The following SKOR2 variants were observed in gnomAD, a reference collection of about 807,000 sequenced individuals.
The protein encoded by SKOR2 is LBX1 corepressor 1-like protein.
SKOR2 carries 47 observed loss-of-function variants against 69.1 expected under a neutral mutation model. The ratio of observed to expected loss-of-function variants is 0.68; its 90% CI spans 0.54 to 0.87. SKOR2 has a LOEUF of 0.87. Ranked by LOEUF, SKOR2 falls within the 40% of genes least tolerant of loss-of-function variation. The pLI is 0.00. For missense variants in SKOR2, 1,404 were observed against 1,472.2 expected (o/e 0.95, Z 0.76); for synonymous variants, 717 against 672.6 (o/e 1.07, Z -1.02).
chr18:47,248,627 A>G lies in SKOR2; in HGVS notation c.557T>C (p.Phe186Ser). The G allele has an allele frequency of 6.4e-7, 1 of 1,554,404 alleles. No homozygotes were observed. Residue 186 changes from phenylalanine (F) to serine (S), a missense_variant, in exon 2 of 9, where the codon TTC (phenylalanine) becomes TCC (serine). Coordinates refer to ENST00000425639, the MANE Select transcript of SKOR2 (RefSeq NM_001278063.4). This position sits in a 1 kb window ranked among gnomAD's most constrained non-coding sequence, Gnocchi z 6.4. ...YCNMYFSPNK[F>S]IFHSHRTPDA... ...GGGCGTGCGGTGGGAGTGGAAAATG[A>G]ACTTGTTGGGCGAGAAGTACATGTT...
chr18:47,238,310 C>CT (rs2064233910), intron 4 of SKOR2, among the ~76,000 whole-genome samples: 2 of 133,764 alleles, frequency 1.5e-5, no homozygotes, highest in African/African-American at 2.8e-5. Context: ...TAATTTTTTT[C>CT]TTTTCTTTTC....
Position 47,230,518 on chromosome 18 carries a change from C to T in SKOR2, c.2858G>A (p.Arg953Gln), listed in dbSNP as rs568632407. The T allele has an allele frequency of 2.4e-5, 34 of 1,440,324 alleles. No individual in the cohort carries two copies. Among genetic ancestry groups the T allele is most frequent in the East Asian group, 7.9e-5 (3 of 38,066 alleles). 89.2% of individuals were successfully genotyped at this position (1,440,324 alleles called of 1,614,324 possible). A position where few individuals can be genotyped will look rare whatever the true frequency, so the allele number is the denominator to read the frequency against. ...QKVLFEQIDL[R>Q]RRLEQEFQVL... ...CTGGAATTCTTGTTCCAGTCGTCTC[C>T]GTAAATCTATTTGTTCAAATAAAAC... Residue 953 changes from arginine to glutamine, a missense_variant, in exon 6 of 9, where the codon CGG becomes CAG. Arg to Gln is a conservative substitution (Grantham distance 43). Coordinates refer to ENST00000425639, the MANE Select transcript of SKOR2 (RefSeq NM_001278063.4).
intron 2 of SKOR2, among the ~76,000 whole-genome samples, chr18:47,246,106 T>C (rs529073785): frequency 6.6e-6 from 1 of 152,318 alleles, no homozygotes; most frequent in Admixed American, 6.5e-5. Flanking sequence ...AAACTGCATT[T>C]AACTTTTGAA....
Position 47,247,591 on chromosome 18 carries a change from C to A in SKOR2, c.1593G>T (p.Gln531His). 7.9e-7 allele frequency: 1 copy of A among 1,262,944 alleles called. No homozygotes were observed. The highest frequency in any genetic ancestry group is 9.9e-7 in the Non-Finnish European group (1 of 1,006,780). 78.2% of individuals were successfully genotyped at this position (1,262,944 alleles called of 1,614,324 possible). The change falls in exon 2 of 9, where the codon CAG (glutamine) becomes CAT (histidine). Residue 531 changes from glutamine (Q) to histidine (H), a missense_variant. Gln to His is a conservative substitution (Grantham distance 24). Transcript: ENST00000425639. The surrounding 1 kb of genome is among the most constrained non-coding windows in gnomAD (Gnocchi z 6.6). ...GGCCGTTGGCCACTACCTGCGGGGG[C>A]TGCCCCGGCGGGGGCGCGGCCTCGG... ...GSAEAAPPPG[Q>H]PPQVVANGPG...
intron 4 of SKOR2, among the ~76,000 whole-genome samples, chr18:47,241,016 T>C (rs1357322009): frequency 1.3e-5 from 2 of 152,204 alleles, no homozygotes; most frequent in Non-Finnish European, 2.9e-5. Context: ...CACAGGGTTA[T>C]ATAAATCTTA....
At chr18:47,216,775 A>G (rs1174436608) in intron 7 of SKOR2, among the ~76,000 whole-genome samples, 1 of 152,168 alleles carries the variant, frequency 6.6e-6, no homozygotes, top group Non-Finnish European at 1.5e-5. Flanking sequence ...CTTGACTGCA[A>G]GATAGAGTGG....
rs2064286936 is a variant in SKOR2, at chr18:47,247,664, C to A, written c.1520G>T (p.Arg507Leu). The A allele has an allele frequency of 1.5e-6, 2 of 1,366,306 alleles. No homozygotes were observed. The highest frequency in any genetic ancestry group is 1.9e-6 in the Non-Finnish European group (2 of 1,064,014). 84.6% of individuals were successfully genotyped at this position (1,366,306 alleles called of 1,614,324 possible). Residue 507 changes from arginine to leucine, a missense_variant, in exon 2 of 9, where the codon CGC becomes CTC. Transcript: ENST00000425639. The surrounding 1 kb of genome is among the most constrained non-coding windows in gnomAD (Gnocchi z 6.6). ...CALGESPALL[R>L]QAFLDLAEPG... ...CTCAGCCAGGTCCAGGAAGGCCTGG[C>A]GCAGCAGGGCCGGGCTTTCGCCTAG...
intron 7 of SKOR2, among the ~76,000 whole-genome samples, chr18:47,215,213 C>T (rs190963580): frequency 6.6e-6 from 1 of 152,128 alleles, no homozygotes. Flanking sequence ...TTTAAGGCAG[C>T]CTCCACAGAA....
At chr18:47,222,489 G>T (rs541632256) in intron 6 of SKOR2, among the ~76,000 whole-genome samples, 44 of 152,296 alleles carry the variant, frequency 2.9e-4, no homozygotes, top group African/African-American at 1.1e-3. Context: ...CACCAGGTCA[G>T]GATGCTCTAG....
chr18:47,223,001 TGAAAAG>T (rs2064166714), intron 6 of SKOR2, among the ~76,000 whole-genome samples: 1 of 152,016 alleles, frequency 6.6e-6, no homozygotes, highest in South Asian at 2.1e-4. Flanking sequence ...AGGCAAAAAC[TGAAAAG>T]GAAAAGACTG....
At chr18:47,236,034 G>C (rs1026549632) in intron 4 of SKOR2, among the ~76,000 whole-genome samples, 1 of 152,104 alleles carries the variant, frequency 6.6e-6, no homozygotes, top group South Asian at 2.1e-4. Flanking sequence ...ACCCAGGCTG[G>C]AGCGCACTCA....
rs1413660226 is a variant in SKOR2 at position 47,247,540 on chromosome 18, G to A, written c.1644C>T (p.Ala548=). 6.6e-6 allele frequency: 8 copies of A among 1,219,008 alleles called. No individual in the cohort carries two copies. Among genetic ancestry groups the A allele is most frequent in the Non-Finnish European group, 8.2e-6 (8 of 980,720 alleles). 75.5% of individuals were successfully genotyped at this position (1,219,008 alleles called of 1,614,324 possible). Residue 548 remains alanine (A), a synonymous_variant, in exon 2 of 9, where the codon GCC becomes GCT. Coordinates refer to ENST00000425639, the MANE Select transcript of SKOR2 (RefSeq NM_001278063.4). This position sits in a 1 kb window ranked among gnomAD's most constrained non-coding sequence, Gnocchi z 6.6. ...NGPGSGPPPP[A]GGAGSRDALF... is the part of the protein sequence containing the mutation. ...GCGCGTCGCGAGAGCCGGCGCCCCC[G>A]GCAGGAGGAGGTGGGCCGGAGCCCG...
rs1364499047 is a variant in SKOR2 at position 47,206,477 on chromosome 18, A to C, written c.*419T>G. Reference sequence around the variant, plus strand: ...CTTGTGTTTTCTTCCACCAAGAATCACTTCTTCAAAAAGAGAAGACAGTTT... The same window carrying C: ...CTTGTGTTTTCTTCCACCAAGAATCCCTTCTTCAAAAAGAGAAGACAGTTT... On this transcript the variant is annotated 3_prime_UTR_variant, in exon 9 of 9. Coordinates refer to ENST00000425639, the MANE Select transcript of SKOR2 (RefSeq NM_001278063.4). 2 of 152,136 alleles carry C rather than the reference A, an allele frequency of 1.3e-5. No individual in the cohort carries two copies. The allele number at this position is 152,136 out of a possible 1,614,324, so 9.4% of individuals were successfully genotyped here.
At position 47,248,209 on chromosome 18, in the gene SKOR2, G is replaced by T; in HGVS notation, c.975C>A (p.Ala325=). 8.1e-7 allele frequency: 1 copy of T among 1,231,230 alleles called. No individual in the cohort carries two copies. Among genetic ancestry groups the T allele is most frequent in the Non-Finnish European group, 1.0e-6 (1 of 989,626 alleles). The allele number at this position is 1,231,230 out of a possible 1,614,324, so 76.3% of individuals were successfully genotyped here. ...CGGCTGCGGCCGAGAGGCTGGCGGCGGCCACTACGGCGGCCTCCTGCAAGG... is the reference window on the plus strand; with the variant it reads ...CGGCTGCGGCCGAGAGGCTGGCGGCTGCCACTACGGCGGCCTCCTGCAAGG... ...DDSLQEAAVV[A]AASLSAAAAS... is the part of the protein sequence containing the mutation. The change falls in exon 2 of 9, where the codon GCC becomes GCA. Residue 325 remains alanine (A), a synonymous_variant. Coordinates refer to ENST00000425639, the MANE Select transcript of SKOR2 (RefSeq NM_001278063.4). This position sits in a 1 kb window ranked among gnomAD's most constrained non-coding sequence, Gnocchi z 6.4.
At chr18:47,220,977 G>A (rs2064159435) in intron 6 of SKOR2, among the ~76,000 whole-genome samples, 2 of 151,782 alleles carry the variant, frequency 1.3e-5, no homozygotes, top group Non-Finnish European at 2.9e-5. Flanking sequence ...TACCTCCCAC[G>A]TGCAGGCACC....
intron 4 of SKOR2, among the ~76,000 whole-genome samples, chr18:47,238,530 C>A (rs1380508417): frequency 6.6e-6 from 1 of 151,852 alleles, no homozygotes; most frequent in Non-Finnish European, 1.5e-5. Flanking sequence ...ACCTTGTTGG[C>A]CAGGCTGGTC....
At chr18:47,219,747 C>T (rs2064155335) in intron 7 of SKOR2, among the ~76,000 whole-genome samples, 196 bp downstream of exon 7, 1 of 152,150 alleles carries the variant, frequency 6.6e-6, no homozygotes, top group Non-Finnish European at 1.5e-5. Flanking sequence ...TAGGTAGTTA[C>T]ATTTAGAGGA....
rs1414752590 is a variant in SKOR2 at position 47,246,930 on chromosome 18, G to A, written c.2254C>T (p.Pro752Ser). The A allele has an allele frequency of 4.7e-6, 7 of 1,495,610 alleles. No homozygotes were observed. The highest frequency in any genetic ancestry group is 6.2e-6 in the Non-Finnish European group (7 of 1,128,910). 92.6% of individuals were successfully genotyped at this position (1,495,610 alleles called of 1,614,324 possible). ...QEVDVEGHKP[P>S]EGEEEEEGRD... ...CCTTCCTCCTCTTCCTCGCCCTCGG[G>A]GGGCTTGTGGCCCTCCACGTCCACC... is the stretch of plus-strand genomic sequence containing the variant. Residue 752 changes from proline to serine, a missense_variant, in exon 2 of 9, where the codon CCC (proline) becomes TCC (serine). Pro to Ser is a moderately conservative substitution (Grantham distance 74). Transcript: ENST00000425639.
At chr18:47,232,518 C>T (rs932933634) in intron 4 of SKOR2, among the ~76,000 whole-genome samples, 15 of 152,178 alleles carry the variant, frequency 9.9e-5, no homozygotes, top group Non-Finnish European at 1.8e-4. Flanking sequence ...GTAGAACAAA[C>T]AAAGGGGCTC....
Sources: gnomAD v4.1 joint callset for allele counts (sites outside exome capture counted in the v4.1 genomes callset) on GRCh38, gnomAD v4.1.1 for gene constraint, Gnocchi (gnomAD v3.1) non-coding constraint, MANE v1.5 for transcripts, NCBI Gene and HGNC (gene_info 2026-07-23, HGNC 2026-07-21) for gene names.